TEX11: variants seen among roughly 807,000 people sequenced by gnomAD.
TEX11 encodes testis expressed 11, also known as testis-expressed protein 11.
A neutral mutation model predicts 84.4 loss-of-function variants in TEX11; 7 were observed. The observed-to-expected ratio is 0.08, with a 90% confidence interval of 0.05 to 0.16. The LOEUF is 0.16. Ranked by LOEUF, TEX11 falls within the 10% of genes least tolerant of loss-of-function variation. TEX11 has a pLI of 1.00. For synonymous variants in TEX11, 264 were observed against 222.8 expected, an observed-to-expected ratio of 1.18 and a Z score of -1.64; for missense variants, 551 against 660.5, an observed-to-expected ratio of 0.83 and a Z score of 1.82.
chrX:70,703,649 C>A (rs942591420), intron 13 of TEX11, among the ~76,000 whole-genome samples: 5 of 111,756 alleles, frequency 4.5e-5, no homozygotes, highest in Non-Finnish European at 9.4e-5. Flanking sequence ...TTTATCCTTT[C>A]TTTCCAATTT....
chrX:70,848,063 T>G lies in TEX11; in HGVS notation c.525+4971A>C, dbSNP rs753821206. ...CTACTATAGTACAGGCTTTCACCAG[T>G]TCATGCTTACACTATGCCTTGATTC... is the stretch of plus-strand genomic sequence containing the variant. On this transcript the variant is annotated intron_variant, in intron 7 of 29. Transcript: ENST00000374333. Among the ~76,000 whole-genome samples, 4 of 111,898 alleles carry G rather than the reference T, an allele frequency of 3.6e-5. No homozygotes were observed. In the South Asian group the frequency reaches 1.5e-3, roughly 42 times the overall value.
chrX:70,908,100 ATCCGCT>A (rs1426502766), intron 1 of TEX11, among the ~76,000 whole-genome samples: 1 of 111,250 alleles, frequency 9.0e-6, no homozygotes, highest in Non-Finnish European at 1.9e-5. Context: ...TTGGCTCAAA[ATCCGCT>A]TCCGCTACCA....
Position 70,729,448 on chromosome X carries a change from A to G in TEX11, c.844-4105T>C, listed in dbSNP as rs190728350. ...CGAATGGCTAACTAGAATAACCAAT[A>G]CAGAGAAGTCCTTAAAGGACCTGAT... On this transcript the variant is annotated intron_variant, in intron 11 of 29. Transcript: ENST00000374333. Among the ~76,000 whole-genome samples the G allele has an allele frequency of 9.0e-3, 1,009 of 111,816 alleles. 15 individuals are homozygous for G. Among genetic ancestry groups the G allele is most frequent in the African/African-American group, 0.031 (943 of 30,791 alleles).
chrX:70,883,532 G>A (rs2091693864), intron 2 of TEX11, among the ~76,000 whole-genome samples: 1 of 111,434 alleles, frequency 9.0e-6, no homozygotes, highest in Non-Finnish European at 1.9e-5. Flanking sequence ...ACTACAGTGA[G>A]TTGTGATCAC....
At chrX:70,642,204 C>T (rs946652317) in intron 17 of TEX11, among the ~76,000 whole-genome samples, 1 of 111,835 alleles carries the variant, frequency 8.9e-6, no homozygotes, top group African/African-American at 3.3e-5. Context: ...ATACACTCTT[C>T]CAAGACTAAA....
At chrX:70,894,271 G>A (rs2091754989) in intron 2 of TEX11, among the ~76,000 whole-genome samples, 2 of 110,654 alleles carry the variant, frequency 1.8e-5, no homozygotes, top group African/African-American at 6.6e-5. Context: ...ACACACACAC[G>A]AAAAAAGAAA....
chrX:70,719,373 A>C (rs185183199), intron 13 of TEX11, among the ~76,000 whole-genome samples: 1 of 112,216 alleles, frequency 8.9e-6, no homozygotes, highest in Non-Finnish European at 1.9e-5. Context: ...CATTAAACTT[A>C]AGACACAGGC....
At chrX:70,763,830 T>C (rs1354146877) in intron 9 of TEX11, among the ~76,000 whole-genome samples, 4 of 111,508 alleles carry the variant, frequency 3.6e-5, no homozygotes, top group African/African-American at 9.8e-5. Flanking sequence ...AGCACCCAGA[T>C]ATATAAAGCA....
At chrX:70,754,090 G>C (rs2090850047) in intron 9 of TEX11, among the ~76,000 whole-genome samples, 1 of 111,634 alleles carries the variant, frequency 9.0e-6, no homozygotes, top group Non-Finnish European at 1.9e-5. Flanking sequence ...ACTGTGTCTT[G>C]CATCTTAGGT....
At chrX:70,858,630 C>CT (rs2147856657) in intron 5 of TEX11, among the ~76,000 whole-genome samples, 1 of 111,387 alleles carries the variant, frequency 9.0e-6, no homozygotes, top group African/African-American at 3.3e-5. Context: ...CAAGCATCCT[C>CT]TATGTTTAAA....
In TEX11 at chrX:70,553,422, A is replaced by G. The variant is rs999672948; in HGVS notation, c.2291-8T>C. On this transcript the variant is annotated splice_polypyrimidine_tract_variant and splice_region_variant and intron_variant, in intron 26 of 29. Coordinates refer to ENST00000374333, the MANE Select transcript of TEX11 (RefSeq NM_031276.3). ...GCTTTTCCATTGCTATTACTAGAGTAAGAAAAGGAAAAAGGTTGTGAACAT... is the reference window on the plus strand; with the variant it reads ...GCTTTTCCATTGCTATTACTAGAGTGAGAAAAGGAAAAAGGTTGTGAACAT... 4.4e-6 allele frequency: 5 copies of G among 1,139,550 alleles called. No homozygotes were observed. In the African/African-American group the frequency reaches 7.2e-5, roughly 16 times the overall value. The allele number at this position is 1,139,550 out of a possible 1,213,427, so 93.9% of individuals were successfully genotyped here. A position where few individuals can be genotyped will look rare whatever the true frequency, so the allele number is the denominator to read the frequency against.
chrX:70,526,965 C>T (rs1170340704), downstream of TEX11, among the ~76,000 whole-genome samples: 1 of 112,007 alleles, frequency 8.9e-6, no homozygotes, highest in African/African-American at 3.2e-5. Flanking sequence ...ATGATAATGG[C>T]TTATAACCCA....
chrX:70,594,147 G>A (rs1272528247), intron 24 of TEX11, among the ~76,000 whole-genome samples: 1 of 111,383 alleles, frequency 9.0e-6, no homozygotes, highest in Non-Finnish European at 1.9e-5. Flanking sequence ...ACATGTACGG[G>A]TGATTAAGAT....
chrX:70,705,739 C>T (rs1309408045), intron 13 of TEX11, among the ~76,000 whole-genome samples: 1 of 111,841 alleles, frequency 8.9e-6, no homozygotes, highest in East Asian at 2.8e-4. Context: ...CAGAGAAATA[C>T]AAATCAAAAC....
intron 2 of TEX11, among the ~76,000 whole-genome samples, chrX:70,883,072 G>A (rs2091691501): frequency 8.9e-6 from 1 of 112,387 alleles, no homozygotes; most frequent in Non-Finnish European, 1.9e-5. Context: ...TCACATAGCT[G>A]AAAGGTTGAG....
At chrX:70,716,958 A>C (rs954280670) in intron 13 of TEX11, among the ~76,000 whole-genome samples, 5 of 112,580 alleles carry the variant, frequency 4.4e-5, no homozygotes, top group African/African-American at 1.6e-4. Flanking sequence ...AAGTTTACTT[A>C]AATGTTAATG....
the TEX11 span, among the ~76,000 whole-genome samples, chrX:70,514,866 G>T: frequency 1.8e-5 from 2 of 110,370 alleles, no homozygotes; most frequent in Non-Finnish European, 3.8e-5. Flanking sequence ...TCAGGAGTTC[G>T]AGACTAGCTT....
At chrX:70,841,972 A>C (rs1329365166) in intron 7 of TEX11, among the ~76,000 whole-genome samples, 3 of 111,768 alleles carry the variant, frequency 2.7e-5, no homozygotes, top group African/African-American at 6.5e-5. Flanking sequence ...CAGGCTCTGA[A>C]ATTGTGGCAA....
intron 16 of TEX11, among the ~76,000 whole-genome samples, chrX:70,659,015 A>C (rs950003568): frequency 5.3e-5 from 6 of 112,403 alleles, no homozygotes; most frequent in Non-Finnish European, 3.8e-5. Context: ...ATGCAAAAGA[A>C]AGAAGCTGGA....
Sources: gnomAD v4.1 joint callset for allele counts (sites outside exome capture counted in the v4.1 genomes callset) on GRCh38, gnomAD v4.1.1 for gene constraint, MANE v1.5 for transcripts, NCBI Gene and HGNC (gene_info 2026-07-23, HGNC 2026-07-21) for gene names.